C10orf143: variants seen among roughly 807,000 people sequenced by gnomAD.
C10orf143 encodes the protein chromosome 10 open reading frame 143.
At chr10:130,103,274 C>T (rs1255378714) in intron 1 of C10orf143, among the ~76,000 whole-genome samples, 2 of 152,162 alleles carry the variant, frequency 1.3e-5, no homozygotes, top group South Asian at 2.1e-4. Context: ...CTACCACGCA[C>T]AGCTGAGTCT....
chr10:130,045,783 C>T (rs887662305), intron 3 of C10orf143, among the ~76,000 whole-genome samples: 20 of 152,192 alleles, frequency 1.3e-4, no homozygotes. Context: ...TGCCTCGACT[C>T]GAGGCTCAGC....
chr10:130,089,511 G>C (rs1861347347), intron 1 of C10orf143, among the ~76,000 whole-genome samples: 1 of 152,176 alleles, frequency 6.6e-6, no homozygotes, highest in Admixed American at 6.5e-5. Flanking sequence ...CTGAAGTCTG[G>C]TGATATGAAA....
downstream of C10orf143, among the ~76,000 whole-genome samples, chr10:130,063,088 G>A (rs1860873926): frequency 6.6e-6 from 1 of 152,158 alleles, no homozygotes; most frequent in Non-Finnish European, 1.5e-5. Flanking sequence ...TGACTCTGAA[G>A]CGGGGGCATT....
chr10:130,102,990 T>A (rs1209109621), intron 1 of C10orf143, among the ~76,000 whole-genome samples: 1 of 147,564 alleles, frequency 6.8e-6, no homozygotes, highest in Non-Finnish European at 1.5e-5. Flanking sequence ...TTTTTTTTTT[T>A]AAAAGATTGT....
intron 1 of C10orf143, among the ~76,000 whole-genome samples, chr10:130,088,044 C>A (rs1301574556): frequency 6.6e-6 from 1 of 152,212 alleles, no homozygotes; most frequent in Non-Finnish European, 1.5e-5. Context: ...TGTGTTAACA[C>A]GTGAGCGAGC....
At chr10:130,076,359 T>C (rs1861118913) in intron 3 of C10orf143, among the ~76,000 whole-genome samples, 1 of 152,094 alleles carries the variant, frequency 6.6e-6, no homozygotes, top group African/African-American at 2.4e-5. Flanking sequence ...TTGGCTGGAT[T>C]CTCCCAGAAG....
intron 1 of C10orf143, among the ~76,000 whole-genome samples, chr10:130,090,574 C>T (rs1384150864): frequency 6.6e-6 from 1 of 152,206 alleles, no homozygotes; most frequent in South Asian, 2.1e-4. Flanking sequence ...ACCATTCACT[C>T]CCCTGGAAAG....
chr10:130,064,251 G>T lies in C10orf143; in HGVS notation c.*103C>A. 2.5e-6 allele frequency: 1 copy of T among 396,590 alleles called. No homozygotes were observed. Among genetic ancestry groups the T allele is most frequent in the South Asian group, 1.3e-4 (1 of 7,634 alleles). The allele number at this position is 396,590 out of a possible 1,614,324, so 24.6% of individuals were successfully genotyped here. Reference sequence around the variant, plus strand: ...CACAGAGGACACCGGGCTGCTATTTGAACAGGTAAGTCCCCAAACCCATCT... The same window carrying T: ...CACAGAGGACACCGGGCTGCTATTTTAACAGGTAAGTCCCCAAACCCATCT... On this transcript the variant is annotated 3_prime_UTR_variant, in exon 4 of 4. Coordinates refer to ENST00000637128, the MANE Select transcript of C10orf143 (RefSeq NM_001355042.2).
intron 2 of C10orf143, 31 bp downstream of exon 2, chr10:130,079,706 C>T (rs1231826204): frequency 2.5e-6 from 1 of 398,732 alleles, no homozygotes; most frequent in South Asian, 1.3e-4. Flanking sequence ...TCAACATGCT[C>T]ACAAGTAGTT....
chr10:130,091,405 C>G (rs1034065770), intron 1 of C10orf143, among the ~76,000 whole-genome samples: 4 of 152,180 alleles, frequency 2.6e-5, no homozygotes, highest in Admixed American at 2.6e-4. Flanking sequence ...GAACCCCCAT[C>G]CAAAGGTCAC....
At chr10:130,069,304 T>A (rs1373783172) in intron 3 of C10orf143, among the ~76,000 whole-genome samples, 3 of 152,212 alleles carry the variant, frequency 2.0e-5, no homozygotes, top group Non-Finnish European at 1.5e-5. Flanking sequence ...TGTGGCCACA[T>A]ATGCCTTTCC....
At chr10:130,039,790 C>T (rs531532343) in intron 3 of C10orf143, among the ~76,000 whole-genome samples, 11 of 152,220 alleles carry the variant, frequency 7.2e-5, no homozygotes, top group African/African-American at 2.6e-4. Context: ...GCGCTCTTCT[C>T]CTTGGGGCAA....
At position 130,079,809 on chromosome 10, in the gene C10orf143, G is replaced by C. The variant is rs1861176916; in HGVS notation, c.162C>G (p.Asp54Glu). Residue 54 changes from aspartate (D) to glutamate (E), a missense_variant, in exon 2 of 4, where the codon GAC becomes GAG. Asp to Glu is a conservative substitution (Grantham distance 45, BLOSUM62 2). Coordinates refer to ENST00000637128, the MANE Select transcript of C10orf143 (RefSeq NM_001355042.2). ...ACALASWGPE[D>E]RELPSRGCLP... ...GGCAGCCTCTTGATGGAAGCTCCCG[G>C]TCCTCTGGGCCCCAGGACGCCAGGG... is the stretch of plus-strand genomic sequence containing the variant. The C allele has an allele frequency of 5.0e-6, 2 of 398,642 alleles. No homozygotes were observed. The highest frequency in any genetic ancestry group is 8.8e-5 in the Admixed American group (2 of 22,726). 24.7% of individuals were successfully genotyped at this position (398,642 alleles called of 1,614,324 possible). A position where few individuals can be genotyped will look rare whatever the true frequency, so the allele number is the denominator to read the frequency against.
At chr10:130,103,029 C>T (rs1420076687) in intron 1 of C10orf143, among the ~76,000 whole-genome samples, 4 of 150,924 alleles carry the variant, frequency 2.7e-5, no homozygotes, top group African/African-American at 4.9e-5. Context: ...CCCAGGCTGG[C>T]GTGCAATGGT....
chr10:130,102,160 A>G (rs1396617463), intron 1 of C10orf143, among the ~76,000 whole-genome samples: 2 of 152,118 alleles, frequency 1.3e-5, no homozygotes, highest in African/African-American at 4.8e-5. Flanking sequence ...GTCCCAGCTT[A>G]TGTTTATTGA....
chr10:130,055,070 A>C (rs990856760), intron 3 of C10orf143, among the ~76,000 whole-genome samples: 5 of 152,252 alleles, frequency 3.3e-5, no homozygotes, highest in Non-Finnish European at 7.3e-5. Flanking sequence ...AAATGGATTA[A>C]AGACTTCAAT....
In C10orf143 at chr10:130,087,396, T is replaced by C. The variant is rs769889346; in HGVS notation, c.70-7495A>G. ...AAGGACCCCATTACATAACAATAAC[T>C]AGAATAGATCAAGTGACCAGCATCC... On this transcript the variant is annotated intron_variant, in intron 1 of 3. Transcript: ENST00000637128. Among the ~76,000 whole-genome samples, 83 of 152,220 alleles carry C rather than the reference T, an allele frequency of 5.5e-4. No individual in the cohort carries two copies. The Middle Eastern group carries it at 0.017, about 31-fold the overall frequency.
At chr10:130,109,818 T>C (rs1861728758) in intron 1 of C10orf143, among the ~76,000 whole-genome samples, 1 of 151,862 alleles carries the variant, frequency 6.6e-6, no homozygotes, top group South Asian at 2.1e-4. Flanking sequence ...GGAAGACGGA[T>C]CCTGCACTTA....
At chr10:130,040,665 T>C (rs1860596583) in intron 3 of C10orf143, among the ~76,000 whole-genome samples, 1 of 152,260 alleles carries the variant, frequency 6.6e-6, no homozygotes, top group Non-Finnish European at 1.5e-5. Context: ...AAATCCTGTC[T>C]CTACTAAAAA....
Sources: gnomAD v4.1 joint callset for allele counts (sites outside exome capture counted in the v4.1 genomes callset) on GRCh38, gnomAD v4.1.1 for gene constraint, MANE v1.5 for transcripts, NCBI Gene and HGNC (gene_info 2026-07-23, HGNC 2026-07-21) for gene names.